The following ACACA variants were observed in gnomAD, a reference collection of about 807,000 sequenced individuals.
The protein encoded by ACACA is acetyl-CoA carboxylase alpha, also known as acetyl-CoA carboxylase 1.
In ACACA, 103 loss-of-function variants were observed where a neutral mutation model predicts 296.1. That is an observed-to-expected ratio of 0.35 (90% CI 0.30 to 0.41). ACACA has a LOEUF of 0.41. ACACA is among the 10% of genes least tolerant of loss of function. ACACA has a pLI of 1.00. For missense variants in ACACA, 1,554 were observed against 2,989.7 expected, an observed-to-expected ratio of 0.52 and a Z score of 11.20; for synonymous variants, 953 against 1,038.6, an observed-to-expected ratio of 0.92 and a Z score of 1.58.
chr17:37,349,602 G>C (rs1383920037), intron 1 of ACACA, among the ~76,000 whole-genome samples: 1 of 148,528 alleles, frequency 6.7e-6, no homozygotes, highest in East Asian at 2.0e-4. Context: ...TGTTGCCCAG[G>C]CTGGAGTGCA....
chr17:37,347,108 G>C (rs969982116), intron 1 of ACACA, among the ~76,000 whole-genome samples: 5 of 152,148 alleles, frequency 3.3e-5, no homozygotes, highest in Admixed American at 6.5e-5. Flanking sequence ...CCTGGTGGGA[G>C]GTAATCGAAT....
chr17:37,390,304 T>TTTTATATATATATATATTATATATA (rs1201500381), intron 1 of ACACA, among the ~76,000 whole-genome samples: 2 of 17,986 alleles, frequency 1.1e-4, no homozygotes, highest in Non-Finnish European at 1.6e-4. Flanking sequence ...TTATACATAA[T>TTTTATATATATATATATTATATATA]TATATATATA....
chr17:37,282,670 G>A (rs908423525), intron 5 of ACACA, among the ~76,000 whole-genome samples: 4 of 152,012 alleles, frequency 2.6e-5, no homozygotes, highest in South Asian at 2.1e-4. Context: ...ATTATCTGTG[G>A]GTACTCTACC....
chr17:37,342,192 TA>T (rs2147347095), intron 1 of ACACA, among the ~76,000 whole-genome samples: 1 of 151,676 alleles, frequency 6.6e-6, no homozygotes, highest in African/African-American at 2.4e-5. Context: ...GCAGATCACT[TA>T]AGGTTCGGAG....
At chr17:37,395,836 C>T (rs997837809) in intron 1 of ACACA, among the ~76,000 whole-genome samples, 2 of 152,056 alleles carry the variant, frequency 1.3e-5, no homozygotes, top group Admixed American at 1.3e-4. Context: ...AGCCACCGCG[C>T]CTAGGCTGTT....
chr17:37,400,168 G>A (rs944453848), intron 1 of ACACA, among the ~76,000 whole-genome samples: 6 of 152,122 alleles, frequency 3.9e-5, no homozygotes, highest in Admixed American at 3.9e-4. Context: ...TGCCCAGGCT[G>A]GAGTGCAGTG....
intron 50 of ACACA, among the ~76,000 whole-genome samples, chr17:37,114,818 A>G (rs2074162628): frequency 6.6e-6 from 1 of 152,210 alleles, no homozygotes; most frequent in Non-Finnish European, 1.5e-5. Flanking sequence ...CTTTCTTATC[A>G]AAGAGAGGAT....
At chr17:37,096,198 A>G (rs1242386923) in intron 54 of ACACA, among the ~76,000 whole-genome samples, 1 of 152,128 alleles carries the variant, frequency 6.6e-6, no homozygotes, top group East Asian at 1.9e-4. Flanking sequence ...TCTTTCTAAA[A>G]TAGAAATCAG....
intron 55 of ACACA, among the ~76,000 whole-genome samples, chr17:37,087,760 A>AAAT (rs1398199516): frequency 1.3e-5 from 2 of 152,230 alleles, no homozygotes; most frequent in South Asian, 2.1e-4. Flanking sequence ...AATCAGTAAA[A>AAAT]AATAGAACTT....
At position 37,258,352 on chromosome 17, in the gene ACACA, A is replaced by G. The variant is rs757119063; in HGVS notation, c.1522T>C (p.Tyr508His). Reference protein sequence around the residue: ...QLQIAMGIPLYRIKDIRMMYG... With the variant: ...QLQIAMGIPLHRIKDIRMMYG... ...ATCATACGGATATCCTTGATTCTAT[A>G]TAGAGGAATCCCCATGGCAATCTGA... The change falls in exon 13 of 56, where the codon TAT (tyrosine) becomes CAT (histidine). Residue 508 changes from tyrosine (Y) to histidine (H), a missense_variant. This residue lies in a region of ACACA where 37 missense variants were observed against 49.9 expected (regional missense o/e 0.74). Transcript: ENST00000616317. The G allele has an allele frequency of 1.9e-6, 3 of 1,613,988 alleles. No individual in the cohort carries two copies. Among genetic ancestry groups the G allele is most frequent in the East Asian group, 4.5e-5 (2 of 44,902 alleles).
chr17:37,262,817 C>T (rs543976253), intron 11 of ACACA, among the ~76,000 whole-genome samples: 1 of 152,180 alleles, frequency 6.6e-6, no homozygotes, highest in East Asian at 1.9e-4. Context: ...GCAGCTTTGA[C>T]CTCCCAGTGT....
At chr17:37,296,240 C>T (rs2083319224) in intron 3 of ACACA, among the ~76,000 whole-genome samples, 1 of 151,156 alleles carries the variant, frequency 6.6e-6, no homozygotes, top group Admixed American at 6.6e-5. Flanking sequence ...AGGTCCTACT[C>T]GCTTGCATGA....
chr17:37,318,566 C>G (rs991801292), intron 3 of ACACA, among the ~76,000 whole-genome samples: 3 of 152,104 alleles, frequency 2.0e-5, no homozygotes, highest in African/African-American at 7.2e-5. Flanking sequence ...AGTGGTTATT[C>G]TCAACGTGTG....
intron 10 of ACACA, among the ~76,000 whole-genome samples, chr17:37,269,685 A>G (rs573618023): frequency 2.6e-5 from 4 of 152,018 alleles, no homozygotes; most frequent in East Asian, 1.9e-4. Flanking sequence ...ATATGAAATC[A>G]TGGAAGACCC....
chr17:37,369,790 C>A (rs1328256807), intron 1 of ACACA, among the ~76,000 whole-genome samples: 3 of 152,086 alleles, frequency 2.0e-5, no homozygotes, highest in Non-Finnish European at 4.4e-5. Flanking sequence ...ACTGCAACCT[C>A]CACCTCCCAG....
intron 54 of ACACA, among the ~76,000 whole-genome samples, chr17:37,091,582 T>G (rs1395107481): frequency 7.0e-6 from 1 of 142,066 alleles, no homozygotes; most frequent in African/African-American, 3.0e-5. Context: ...AGTTTACAGG[T>G]TTTTTTTTCT....
At chr17:37,377,421 A>C (rs1466295382) in intron 1 of ACACA, among the ~76,000 whole-genome samples, 2 of 152,008 alleles carry the variant, frequency 1.3e-5, no homozygotes, top group African/African-American at 4.8e-5. Flanking sequence ...CACTTTTGGG[A>C]GGCCAAGGCA....
At chr17:37,152,918 G>A (rs190367285) in intron 43 of ACACA, among the ~76,000 whole-genome samples, 1 of 152,016 alleles carries the variant, frequency 6.6e-6, no homozygotes, top group Non-Finnish European at 1.5e-5. Flanking sequence ...CCTTGCTGTT[G>A]GTCTGTGACT....
At chr17:37,111,100 A>G (rs1349877904) in intron 52 of ACACA, among the ~76,000 whole-genome samples, 1 of 152,124 alleles carries the variant, frequency 6.6e-6, no homozygotes, top group Non-Finnish European at 1.5e-5. Context: ...TAGCTCAGGA[A>G]GACCCCGGAA....
Sources: gnomAD v4.1 joint callset for allele counts (sites outside exome capture counted in the v4.1 genomes callset) on GRCh38, gnomAD v4.1.1 for gene constraint, gnomAD v4.1.1 regional missense constraint, MANE v1.5 for transcripts, NCBI Gene and HGNC (gene_info 2026-07-23, HGNC 2026-07-21) for gene names.